The following PYY variants were observed in gnomAD, a reference collection of about 807,000 sequenced individuals.
PYY encodes the protein peptide YY.
PYY carries 12 observed loss-of-function variants against 10.3 expected under a neutral mutation model. The observed-to-expected ratio is 1.17, with a 90% CI of 0.75 to 1.89. The LOEUF (loss-of-function observed/expected upper bound fraction) is 1.89. Among genes scored for constraint, PYY ranks in the 40% most tolerant of loss-of-function variants. The pLI is 0.00. For missense variants in PYY, 141 were observed against 134.0 expected (o/e 1.05, Z -0.26); for synonymous variants, 66 against 62.0 (o/e 1.06, Z -0.30).
At position 43,976,211 on chromosome 17, in the gene PYY, GTATATGTATACATATATACATATGCGTA is replaced by G. The variant is rs1567932071; in HGVS notation, c.-462-9707_-462-9680del. On this transcript the variant is annotated intron_variant, in intron 1 of 6. Transcript: ENST00000360085. ...TATATGTATACATATATACATATAC[GTATATGTATACATATATACATATGCGTA>G]TATATACACATATGTATACATGTAT... Among the ~76,000 whole-genome samples the G allele has an allele frequency of 7.8e-3, 983 of 125,264 alleles. 122 individuals are homozygous for G. Among genetic ancestry groups the G allele is most frequent in the African/African-American group, 0.029 (944 of 32,184 alleles). 82.2% of individuals were successfully genotyped at this position (125,264 alleles called of 152,430 possible).
At chr17:43,992,743 G>T (rs532818285) in intron 1 of PYY, among the ~76,000 whole-genome samples, 11 of 152,098 alleles carry the variant, frequency 7.2e-5, no homozygotes, top group African/African-American at 2.7e-4. Context: ...AAAATTAGTC[G>T]GGTATGGTGG....
At chr17:43,962,485 A>G (rs1048528436) in intron 2 of PYY, among the ~76,000 whole-genome samples, 18 of 152,350 alleles carry the variant, frequency 1.2e-4, no homozygotes, top group Admixed American at 1.3e-4. Context: ...TCTACACTCT[A>G]TAGTACAGTA....
At chr17:43,984,219 T>A (rs183197221) in intron 1 of PYY, among the ~76,000 whole-genome samples, 1 of 152,294 alleles carries the variant, frequency 6.6e-6, no homozygotes, top group East Asian at 1.9e-4. Context: ...CCCTGCTCCT[T>A]TCCCCTCTGC....
At chr17:43,996,621 G>A (rs2048993859) in intron 1 of PYY, among the ~76,000 whole-genome samples, 1 of 150,998 alleles carries the variant, frequency 6.6e-6, no homozygotes, top group Non-Finnish European at 1.5e-5. Context: ...TCCACCACCA[G>A]ACCTGGCTAA....
rs970889345 is a variant in PYY at position 43,952,798 on chromosome 17, C to T, written c.*158G>A. 1.1e-5 allele frequency: 8 copies of T among 749,696 alleles called. No homozygotes were observed. In the African/African-American group the frequency reaches 1.4e-4, roughly 13 times the overall value. The allele number at this position is 749,696 out of a possible 1,614,324, so 46.4% of individuals were successfully genotyped here. On this transcript the variant is annotated 3_prime_UTR_variant, in exon 4 of 4. Transcript: ENST00000692052. ...GAAGGACCACACACAGCCCTCCAGCCCAGGGGGCGGGGGCACCGAGACGCG... is the reference window on the plus strand; with the variant it reads ...GAAGGACCACACACAGCCCTCCAGCTCAGGGGGCGGGGGCACCGAGACGCG...
At position 43,965,649 on chromosome 17, in the gene PYY, A is replaced by G. The variant is rs555796162; in HGVS notation, c.-218+639T>C. Among the ~76,000 whole-genome samples, 10 of 151,456 alleles carry G rather than the reference A, an allele frequency of 6.6e-5. 1 individual carries two copies. The South Asian group carries it at 1.9e-3, about 29-fold the overall frequency. ...TACCCAAAATACAAAGTTGCCAGGC[A>G]TGGTGGTGTGTGCCTGTAATCCCAG... On this transcript the variant is annotated intron_variant, in intron 2 of 6. Coordinates refer to the PYY transcript ENST00000360085.
At chr17:43,963,570 A>AAAAGAAAG (rs1162426873) in intron 2 of PYY, among the ~76,000 whole-genome samples, 4,339 of 104,588 alleles carry the variant, frequency 0.041, 140 homozygotes, top group African/African-American at 0.065. Context: ...GGAAGGAAGG[A>AAAAGAAAG]AAAGAAAGAA....
At chr17:43,970,011 G>A (rs1316803085) in intron 1 of PYY, among the ~76,000 whole-genome samples, 2 of 151,782 alleles carry the variant, frequency 1.3e-5, no homozygotes, top group Non-Finnish European at 2.9e-5. Context: ...CAAAGTGCTG[G>A]GAATACAGAC....
rs559376216 is a variant in PYY, at chr17:43,976,156, T to C, written c.-462-9624A>G. Among the ~76,000 whole-genome samples, 13 of 133,396 alleles carry C rather than the reference T, an allele frequency of 9.7e-5. 1 individual carries two copies. Among genetic ancestry groups the C allele is most frequent in the African/African-American group, 2.9e-4 (10 of 35,024 alleles). The allele number at this position is 133,396 out of a possible 152,430, so 87.5% of individuals were successfully genotyped here. A position where few individuals can be genotyped will look rare whatever the true frequency, so the allele number is the denominator to read the frequency against. ...ATACATATATGTATATATACATATGTATACATGCATGCATATATGTATATA... is the reference window on the plus strand; with the variant it reads ...ATACATATATGTATATATACATATGCATACATGCATGCATATATGTATATA... On this transcript the variant is annotated intron_variant, in intron 1 of 6. Coordinates refer to the PYY transcript ENST00000360085.
intron 1 of PYY, among the ~76,000 whole-genome samples, chr17:43,997,904 T>A (rs927430364): frequency 2.0e-5 from 3 of 151,638 alleles, no homozygotes; most frequent in Non-Finnish European, 4.4e-5. Flanking sequence ...ACATAGGGTA[T>A]GAAAAAAAAA....
chr17:43,955,108 C>A (rs372351097), upstream of PYY, among the ~76,000 whole-genome samples: 5 of 152,288 alleles, frequency 3.3e-5, 1 homozygote, highest in African/African-American at 9.6e-5. Flanking sequence ...AGCAGGGACC[C>A]GAAGACTAAG....
chr17:43,963,586 G>GA (rs758211532), intron 2 of PYY, among the ~76,000 whole-genome samples: 2 of 72,996 alleles, frequency 2.7e-5, no homozygotes, highest in African/African-American at 9.1e-5. Flanking sequence ...AAGAAAGAAA[G>GA]AAAGAAAGAA....
At chr17:43,985,155 T>C (rs1955845301) in intron 1 of PYY, among the ~76,000 whole-genome samples, 1 of 151,992 alleles carries the variant, frequency 6.6e-6, no homozygotes, top group Non-Finnish European at 1.5e-5. Flanking sequence ...ACATGAAGAG[T>C]ACCTACAAGT....
intron 1 of PYY, among the ~76,000 whole-genome samples, chr17:44,002,200 G>C (rs778019816): frequency 9.9e-5 from 15 of 152,138 alleles, no homozygotes; most frequent in Non-Finnish European, 1.8e-4. Flanking sequence ...TCTCCCCCCC[G>C]GGACAGTGTG....
chr17:43,975,053 G>A (rs896683914), intron 1 of PYY, among the ~76,000 whole-genome samples: 3 of 152,086 alleles, frequency 2.0e-5, no homozygotes, highest in East Asian at 1.9e-4. Context: ...GAGCCATTTC[G>A]CCCACACATC....
chr17:43,956,653 A>G (rs533864590), upstream of PYY, among the ~76,000 whole-genome samples: 56 of 152,260 alleles, frequency 3.7e-4, no homozygotes, highest in African/African-American at 1.3e-3. Context: ...CAGGGAGACC[A>G]TGGACCTGGA....
intron 1 of PYY, among the ~76,000 whole-genome samples, chr17:43,984,881 G>C (rs926090913): frequency 6.6e-6 from 1 of 152,164 alleles, no homozygotes; most frequent in African/African-American, 2.4e-5. Flanking sequence ...CTGCCTGGTT[G>C]TATGAGATGG....
intron 1 of PYY, among the ~76,000 whole-genome samples, chr17:43,985,977 C>T (rs759960082): frequency 6.6e-6 from 1 of 152,116 alleles, no homozygotes; most frequent in African/African-American, 2.4e-5. Flanking sequence ...AAAATGTTGG[C>T]CAGGCGCGGT....
intron 1 of PYY, among the ~76,000 whole-genome samples, chr17:43,975,009 G>C (rs1164183434): frequency 1.3e-5 from 2 of 152,122 alleles, no homozygotes; most frequent in African/African-American, 4.8e-5. Context: ...TTTAGAAGCA[G>C]CCTCTCATTT....
Sources: allele counts gnomAD v4.1 joint callset (sites outside exome capture counted in the v4.1 genomes callset), GRCh38; gene constraint gnomAD v4.1.1; transcripts MANE v1.5; gene names NCBI Gene and HGNC (gene_info 2026-07-23, HGNC 2026-07-21).